The following LRRC4B variants were observed in gnomAD, a reference collection of about 807,000 sequenced individuals.
LRRC4B encodes the protein leucine rich repeat containing 4B, also known as leucine-rich repeat-containing protein 4B.
Under a neutral mutation model 7.3 loss-of-function variants are expected in LRRC4B, and 1 was observed. That is an observed-to-expected ratio of 0.14 (90% CI 0.05 to 0.65). The LOEUF (loss-of-function observed/expected upper bound fraction) is 0.65. LRRC4B is among the 30% of genes least tolerant of loss of function. The probability of loss-of-function intolerance (pLI) is 0.84; values close to 1 mark genes in which losing one functional copy is unlikely to be tolerated. For synonymous variants in LRRC4B, 500 were observed against 499.2 expected (o/e 1.00, Z -0.02); for missense variants, 730 against 1,041.6 (o/e 0.70, Z 4.12).
At position 50,528,086 on chromosome 19, in the gene LRRC4B, T is replaced by C. The variant is rs377730440; in HGVS notation, c.298-8671A>G. Among the ~76,000 whole-genome samples the C allele has an allele frequency of 1.3e-4, 20 of 152,014 alleles. No individual in the cohort carries two copies. In the East Asian group the frequency reaches 3.7e-3, roughly 28 times the overall value. On this transcript the variant is annotated intron_variant, in intron 2 of 2. Transcript: ENST00000652263. ...CTGACAGGGTCTCCCTCTGTCACTC[T>C]GGCTGAAGTGCAGTGCTGTGATCAT... is the stretch of plus-strand genomic sequence containing the variant.
intron 1 of LRRC4B, among the ~76,000 whole-genome samples, chr19:50,559,446 GA>G (rs1053300734): frequency 1.3e-5 from 2 of 152,036 alleles, no homozygotes; most frequent in Middle Eastern, 3.4e-3. Context: ...AAAAAGGAAA[GA>G]AAAAAAACTG....
intron 1 of LRRC4B, among the ~76,000 whole-genome samples, chr19:50,554,163 T>C (rs1223753950): frequency 6.6e-6 from 1 of 151,936 alleles, no homozygotes; most frequent in African/African-American, 2.4e-5. Context: ...CGGCTAATTT[T>C]TGTATTTTAA....
In LRRC4B at chr19:50,518,453, C is replaced by T. The variant is rs369843041; in HGVS notation, c.1260G>A (p.Thr420=). 297 of 1,551,360 alleles carry T rather than the reference C, an allele frequency of 1.9e-4. No homozygotes were observed. Among genetic ancestry groups the T allele is most frequent in the Non-Finnish European group, 1.9e-4 (224 of 1,149,392 alleles). The stretch of plus-strand genomic sequence containing the variant: ...GCACGGTGACGTTGGTGAAGTTAAG[C>T]GTGCCGTCATGCAGGACGGAGATGC... ...RVRISVLHDG[T]LNFTNVTVQD... is the part of the protein sequence containing the mutation. Residue 420 remains threonine, a synonymous_variant, in exon 3 of 3, where the codon ACG becomes ACA. Transcript: ENST00000652263.
intron 1 of LRRC4B, among the ~76,000 whole-genome samples, chr19:50,560,577 A>C (rs922080169): frequency 1.3e-5 from 2 of 152,174 alleles, no homozygotes; most frequent in African/African-American, 4.8e-5. Context: ...CTACCTCATC[A>C]CACCGTCCTG....
At position 50,519,719 on chromosome 19, in the gene LRRC4B, A is replaced by G. The variant is rs978580006; in HGVS notation, c.298-304T>C. Among the ~76,000 whole-genome samples, 1 of 152,082 alleles carries G rather than the reference A, an allele frequency of 6.6e-6. No homozygotes were observed. The highest frequency in any genetic ancestry group is 2.4e-5 in the African/African-American group (1 of 41,386). ...TGGTGAAACCCTGTCTCTACTAAAA[A>G]TACAAAAATTAGCCAGGTGTGGTGG... On this transcript the variant is annotated intron_variant, in intron 2 of 2. Coordinates refer to ENST00000652263, the MANE Select transcript of LRRC4B (RefSeq NM_001080457.2). This position sits in a 1 kb window ranked among gnomAD's most constrained non-coding sequence, Gnocchi z 8.1.
chr19:50,530,910 G>A (rs1001327583), intron 2 of LRRC4B, among the ~76,000 whole-genome samples: 5 of 129,718 alleles, frequency 3.9e-5, no homozygotes, highest in African/African-American at 5.9e-5. Context: ...TTAATTTTTT[G>A]TATTTTTAGT....
intron 2 of LRRC4B, among the ~76,000 whole-genome samples, chr19:50,530,030 C>CCGTGGGT (rs1193987409): frequency 2.0e-5 from 3 of 152,106 alleles, no homozygotes; most frequent in South Asian, 2.1e-4. Context: ...GCGGCCTTGC[C>CCGTGGGT]CGTGGGTCGT....
intron 1 of LRRC4B, among the ~76,000 whole-genome samples, chr19:50,554,285 G>A (rs1264158885): frequency 7.2e-5 from 11 of 151,978 alleles, no homozygotes; most frequent in African/African-American, 1.9e-4. Flanking sequence ...GTGGGCCACC[G>A]TACCTGGCCG....
At chr19:50,567,590 G>A (rs1219581440) in intron 1 of LRRC4B, among the ~76,000 whole-genome samples, 1 of 107,004 alleles carries the variant, frequency 9.3e-6, no homozygotes, top group African/African-American at 3.6e-5. Flanking sequence ...GCCCCAGAAA[G>A]GGGGGCCCGG....
chr19:50,551,313 G>A (rs963866903), intron 1 of LRRC4B, among the ~76,000 whole-genome samples: 2 of 151,172 alleles, frequency 1.3e-5, no homozygotes, highest in African/African-American at 4.9e-5. Context: ...TCGTGCTGGG[G>A]GGGGCGCAGG....
In LRRC4B at chr19:50,517,343, A is replaced by T. The variant is rs1172184950; in HGVS notation, c.*228T>A. 2.7e-6 allele frequency: 1 copy of T among 368,118 alleles called. No individual in the cohort carries two copies. Among genetic ancestry groups the T allele is most frequent in the East Asian group, 3.9e-5 (1 of 25,382 alleles). The allele number at this position is 368,118 out of a possible 1,614,324, so 22.8% of individuals were successfully genotyped here. A position where few individuals can be genotyped will look rare whatever the true frequency, so the allele number is the denominator to read the frequency against. ...CCCACGTCCCCTCCCGTCACCGGGG[A>T]TTGGCGGGGGTGAGGCGAGGATCCC... On this transcript the variant is annotated 3_prime_UTR_variant, in exon 3 of 3. Transcript: ENST00000652263. This position sits in a 1 kb window ranked among gnomAD's most constrained non-coding sequence, Gnocchi z 6.6.
chr19:50,519,338 G>C lies in LRRC4B; in HGVS notation c.375C>G (p.Ile125Met), dbSNP rs1032387518. The change falls in exon 3 of 3, where the codon ATC (isoleucine) becomes ATG (methionine). Residue 125 changes from isoleucine to methionine, a missense_variant. Around this residue, in one of 6 missense-constraint regions of LRRC4B, gnomAD observed 226 missense variants for 448.0 expected, o/e 0.50. Coordinates refer to ENST00000652263, the MANE Select transcript of LRRC4B (RefSeq NM_001080457.2). The surrounding 1 kb of genome is among the most constrained non-coding windows in gnomAD (Gnocchi z 8.1). ...GCAGCCCGTTGAAGGCGCCCACCTC[G>C]ATCTTGCGCACCAGGTTCTTGCTCA... ...LQLSKNLVRK[I>M]EVGAFNGLPS... 3.7e-6 allele frequency: 6 copies of C among 1,612,484 alleles called. No individual in the cohort carries two copies. The highest frequency in any genetic ancestry group is 5.1e-6 in the Non-Finnish European group (6 of 1,179,988).
chr19:50,535,073 T>A (rs960515990), intron 2 of LRRC4B, among the ~76,000 whole-genome samples: 17 of 152,068 alleles, frequency 1.1e-4, no homozygotes, highest in Non-Finnish European at 2.4e-4. Context: ...TTTCACTGTG[T>A]TAGCCAGGAT....
rs1340225179 is a variant in LRRC4B, at chr19:50,519,741, G to C, written c.298-326C>G. Among the ~76,000 whole-genome samples, 1 of 152,070 alleles carries C rather than the reference G, an allele frequency of 6.6e-6. No homozygotes were observed. The highest frequency in any genetic ancestry group is 2.4e-5 in the African/African-American group (1 of 41,394). On this transcript the variant is annotated intron_variant, in intron 2 of 2. Coordinates refer to ENST00000652263, the MANE Select transcript of LRRC4B (RefSeq NM_001080457.2). The surrounding 1 kb of genome is among the most constrained non-coding windows in gnomAD (Gnocchi z 8.1). ...AAAATACAAAAATTAGCCAGGTGTG[G>C]TGGTGCGTGTAATCCCAGCTACTCG...
At chr19:50,529,359 A>G (rs1055090388) in intron 2 of LRRC4B, among the ~76,000 whole-genome samples, 2 of 152,130 alleles carry the variant, frequency 1.3e-5, no homozygotes, top group Non-Finnish European at 2.9e-5. Context: ...AACGCAGCTT[A>G]TCACCTCCCT....
At position 50,553,339 on chromosome 19, in the gene LRRC4B, G is replaced by A. The variant is rs994367763; in HGVS notation, c.-35-4466C>T. On this transcript the variant is annotated intron_variant, in intron 1 of 2. Transcript: ENST00000652263. The surrounding 1 kb of genome is among the most constrained non-coding windows in gnomAD (Gnocchi z 4.2). ...CCTTCCACAGCTCCCGTCCCACTCA[G>A]AGCAGAGATGAGGACTTCAGTTTTC... is the stretch of plus-strand genomic sequence containing the variant. Among the ~76,000 whole-genome samples, 2 of 152,156 alleles carry A rather than the reference G, an allele frequency of 1.3e-5. No homozygotes were observed. The highest frequency in any genetic ancestry group is 4.8e-5 in the African/African-American group (2 of 41,432).
chr19:50,519,047 G>C lies in LRRC4B; in HGVS notation c.666C>G (p.Ile222Met). The C allele has an allele frequency of 1.2e-6, 2 of 1,610,172 alleles. No homozygotes were observed. Among genetic ancestry groups the C allele is most frequent in the Non-Finnish European group, 1.7e-6 (2 of 1,179,894 alleles). ...GGCGCACCAGGGCCGTCAGGTTGGG[G>C]ATGTCCTTGAGGTTGCACATGCCCA... ...LNLGMCNLKD[I>M]PNLTALVRLE... The change falls in exon 3 of 3, where the codon ATC (isoleucine) becomes ATG (methionine). Residue 222 changes from isoleucine to methionine, a missense_variant. Transcript: ENST00000652263. The surrounding 1 kb of genome is among the most constrained non-coding windows in gnomAD (Gnocchi z 8.1).
intron 2 of LRRC4B, among the ~76,000 whole-genome samples, chr19:50,538,559 GTTT>G (rs71886675): frequency 4.4e-4 from 40 of 90,332 alleles, no homozygotes; most frequent in Admixed American, 1.2e-3. Flanking sequence ...GTTTTGTCTT[GTTT>G]TTTTTTTTTT....
chr19:50,551,899 G>T (rs549434391), intron 1 of LRRC4B, among the ~76,000 whole-genome samples: 1 of 141,732 alleles, frequency 7.1e-6, no homozygotes, highest in Non-Finnish European at 1.5e-5. Context: ...CCTTCTGAAC[G>T]GGGAGGGCGC....
Sources: allele counts gnomAD v4.1 joint callset (sites outside exome capture counted in the v4.1 genomes callset), GRCh38; gene constraint gnomAD v4.1.1; regional missense constraint gnomAD v4.1.1; non-coding constraint Gnocchi (gnomAD v3.1); transcripts MANE v1.5; gene names NCBI Gene and HGNC (gene_info 2026-07-23, HGNC 2026-07-21).